Variants in ATF7IP observed in about 807,000 individuals in gnomAD.
ATF7IP encodes the protein activating transcription factor 7 interacting protein.
ATF7IP carries 23 observed loss-of-function variants against 106.4 expected under a neutral mutation model. That is an observed-to-expected ratio of 0.22 (90% CI 0.16 to 0.31). The LOEUF is 0.31. Ranked by LOEUF, ATF7IP falls within the 10% of genes least tolerant of loss-of-function variation. The probability of loss-of-function intolerance (pLI) is 1.00; values close to 1 mark genes in which losing one functional copy is unlikely to be tolerated. For synonymous variants in ATF7IP, 542 were observed against 539.0 expected, an observed-to-expected ratio of 1.01 and a Z score of -0.08; for missense variants, 1,334 against 1,524.3, an observed-to-expected ratio of 0.88 and a Z score of 2.08.
intron 1 of ATF7IP, among the ~76,000 whole-genome samples, chr12:14,401,454 C>T (rs1940190901): frequency 6.6e-6 from 1 of 152,216 alleles, no homozygotes. Context: ...GCCTTGGCCT[C>T]CCAAACTGCT....
At chr12:14,488,252 A>G (rs1389155710) in intron 13 of ATF7IP, among the ~76,000 whole-genome samples, 2 of 152,060 alleles carry the variant, frequency 1.3e-5, no homozygotes, top group African/African-American at 4.8e-5. Context: ...ATTTTTATAT[A>G]TATCTATAGT....
chr12:14,418,333 C>T (rs1342605431), intron 1 of ATF7IP, among the ~76,000 whole-genome samples: 2 of 152,150 alleles, frequency 1.3e-5, no homozygotes, highest in East Asian at 1.9e-4. Flanking sequence ...GAAACTAGTT[C>T]ATCATGTTTT....
chr12:14,395,998 C>G (rs1319892874), intron 1 of ATF7IP, among the ~76,000 whole-genome samples: 10 of 152,050 alleles, frequency 6.6e-5, no homozygotes, highest in Non-Finnish European at 2.9e-5. Flanking sequence ...TAAAAATAAT[C>G]TACTACCATT....
At chr12:14,371,848 G>A (rs1317902171) in intron 1 of ATF7IP, among the ~76,000 whole-genome samples, 1 of 152,044 alleles carries the variant, frequency 6.6e-6, no homozygotes, top group Non-Finnish European at 1.5e-5. Flanking sequence ...GAGGCCTATG[G>A]AAAATTTATG....
intron 14 of ATF7IP, 141 bp downstream of exon 14, chr12:14,496,484 A>G (rs1487339530): frequency 3.3e-6 from 2 of 601,010 alleles, no homozygotes; most frequent in Non-Finnish European, 6.0e-6. Context: ...ATTTCTAAAA[A>G]TTGATCTTAC....
chr12:14,421,895 C>A (rs889419793), intron 1 of ATF7IP, among the ~76,000 whole-genome samples: 7 of 152,118 alleles, frequency 4.6e-5, no homozygotes, highest in African/African-American at 1.7e-4. Context: ...TCTAAGCGAG[C>A]TTCACTTGGT....
At chr12:14,493,779 T>C (rs994758562) in intron 13 of ATF7IP, among the ~76,000 whole-genome samples, 1 of 152,282 alleles carries the variant, frequency 6.6e-6, no homozygotes, top group Admixed American at 6.5e-5. Context: ...GATAAGAGCT[T>C]GTGTCTGTTT....
intron 5 of ATF7IP, among the ~76,000 whole-genome samples, chr12:14,441,374 T>C (rs902241703): frequency 3.3e-5 from 5 of 152,256 alleles, no homozygotes; most frequent in African/African-American, 1.2e-4. Flanking sequence ...ATCAATCATA[T>C]GTGCTTGTTT....
At chr12:14,437,345 G>A (rs995714510) in intron 4 of ATF7IP, among the ~76,000 whole-genome samples, 1 of 152,180 alleles carries the variant, frequency 6.6e-6, no homozygotes, top group Non-Finnish European at 1.5e-5. Flanking sequence ...AAAAAGAATA[G>A]TGAGGCTGTA....
At chr12:14,373,813 G>T (rs1344361295) in intron 1 of ATF7IP, among the ~76,000 whole-genome samples, 2 of 151,866 alleles carry the variant, frequency 1.3e-5, no homozygotes, top group Non-Finnish European at 2.9e-5. Context: ...TGTGGTTGGG[G>T]TCCCAGTTAT....
intron 2 of ATF7IP, among the ~76,000 whole-genome samples, chr12:14,428,502 C>G (rs748861613): frequency 3.9e-5 from 6 of 152,234 alleles, no homozygotes; most frequent in Admixed American, 6.5e-5. Context: ...ACTCTGTTCT[C>G]TTTATATGGC....
intron 1 of ATF7IP, among the ~76,000 whole-genome samples, chr12:14,410,393 C>T (rs542280790): frequency 5.3e-5 from 8 of 152,188 alleles, no homozygotes; most frequent in East Asian, 3.9e-4. Flanking sequence ...ACACTGTAGA[C>T]GCTACCCACC....
chr12:14,475,251 A>G (rs1352850846), intron 10 of ATF7IP, among the ~76,000 whole-genome samples: 1 of 152,236 alleles, frequency 6.6e-6, no homozygotes, highest in African/African-American at 2.4e-5. Flanking sequence ...TGAATCAGGT[A>G]GCTAATAAGT....
intron 13 of ATF7IP, among the ~76,000 whole-genome samples, chr12:14,491,093 G>T (rs1944805261): frequency 6.6e-6 from 1 of 152,048 alleles, no homozygotes; most frequent in African/African-American, 2.4e-5. Context: ...ATCCCTCTCT[G>T]CCCCTCACAC....
intron 1 of ATF7IP, among the ~76,000 whole-genome samples, chr12:14,378,558 A>AC (rs1430819232): frequency 6.6e-6 from 1 of 152,266 alleles, no homozygotes; most frequent in Non-Finnish European, 1.5e-5. Flanking sequence ...GTTGGGGGTT[A>AC]GAGATAGATT....
intron 13 of ATF7IP, among the ~76,000 whole-genome samples, chr12:14,483,916 T>G (rs1944506064): frequency 6.6e-6 from 1 of 152,088 alleles, no homozygotes; most frequent in African/African-American, 2.4e-5. Flanking sequence ...GGCAGTGCTG[T>G]GTGGAATGCC....
intron 6 of ATF7IP, among the ~76,000 whole-genome samples, chr12:14,453,364 C>CT (rs1164745665): frequency 6.6e-6 from 1 of 152,068 alleles, no homozygotes; most frequent in Non-Finnish European, 1.5e-5. Context: ...ACTTTCTTAG[C>CT]TTTTTTTCAT....
chr12:14,453,710 C>T (rs1282961477), intron 6 of ATF7IP, among the ~76,000 whole-genome samples: 2 of 151,994 alleles, frequency 1.3e-5, no homozygotes, highest in East Asian at 1.9e-4. Context: ...CTGCAACCTC[C>T]GCCTCCTGGG....
rs561538553 is a variant in ATF7IP at position 14,490,782 on chromosome 12, G to A, written c.3281-5449G>A. 1.4e-4 allele frequency among the ~76,000 whole-genome samples: 21 copies of A among 152,136 alleles called. No homozygotes were observed. The South Asian group carries it at 3.9e-3, about 29-fold the overall frequency. ...ACTCCTCATGTAAATTACTTCTGCC[G>A]TCCGCACCTGCTCGAACCCAATCAC... On this transcript the variant is annotated intron_variant, in intron 13 of 14. Transcript: ENST00000261168.
Sources: allele counts gnomAD v4.1 joint callset (sites outside exome capture counted in the v4.1 genomes callset), GRCh38; gene constraint gnomAD v4.1.1; transcripts MANE v1.5; gene names NCBI Gene and HGNC (gene_info 2026-07-23, HGNC 2026-07-21).